The following MTMR6 variants were observed in gnomAD, a reference collection of about 807,000 sequenced individuals.
MTMR6 encodes phosphatidylinositol-3,5-bisphosphate 3-phosphatase MTMR6.
In MTMR6, 47 loss-of-function variants were observed where a neutral mutation model predicts 80.1. The ratio of observed to expected loss-of-function variants is 0.59; its 90% CI spans 0.46 to 0.75. The LOEUF is 0.75. MTMR6 is among the 30% of genes least tolerant of loss of function. The pLI is 0.00. For missense variants in MTMR6, 629 were observed against 730.9 expected, an observed-to-expected ratio of 0.86 and a Z score of 1.61; for synonymous variants, 254 against 253.0, an observed-to-expected ratio of 1.00 and a Z score of -0.04.
chr13:25,287,179 G>C lies in MTMR6; in HGVS notation c.24+45C>G, dbSNP rs201715117. 243 of 1,578,002 alleles carry C rather than the reference G, an allele frequency of 1.5e-4. No homozygotes were observed. The African/African-American group carries it at 2.2e-3, about 14-fold the overall frequency. ...CTTCGTCTCCTCCTGCCTCAGCCGG[G>C]TCAGAGCAGGGCCCCTGAAGACTGG... On this transcript the variant is annotated intron_variant, in intron 1 of 13. Transcript: ENST00000381801.
rs1957244303 is a variant in MTMR6 at position 25,257,676 on chromosome 13, C to T, written c.969+60G>A. ...ATAGATACCAGCCCCCAACAGAATACATCTACTCCTTCCCAATCATTATAG... is the reference window on the plus strand; with the variant it reads ...ATAGATACCAGCCCCCAACAGAATATATCTACTCCTTCCCAATCATTATAG... On this transcript the variant is annotated intron_variant, in intron 8 of 13. Transcript: ENST00000381801. The T allele has an allele frequency of 4.0e-6, 5 of 1,241,278 alleles. No homozygotes were observed. The South Asian group carries it at 5.1e-5, about 13-fold the overall frequency. The allele number at this position is 1,241,278 out of a possible 1,614,324, so 76.9% of individuals were successfully genotyped here.
intron 1 of MTMR6, among the ~76,000 whole-genome samples, chr13:25,274,614 A>C (rs1021978082): frequency 6.6e-6 from 1 of 152,118 alleles, no homozygotes; most frequent in Non-Finnish European, 1.5e-5. Flanking sequence ...GCCAACTCCA[A>C]CTTAGTCTCT....
At chr13:25,275,181 C>A (rs1957691829) in intron 1 of MTMR6, among the ~76,000 whole-genome samples, 1 of 152,090 alleles carries the variant, frequency 6.6e-6, no homozygotes, top group South Asian at 2.1e-4. Flanking sequence ...AATCCCAGCA[C>A]TTTGGGAGGC....
In MTMR6 at chr13:25,257,134, T is replaced by C; in HGVS notation, c.1095+62A>G. On this transcript the variant is annotated intron_variant, in intron 9 of 13. Transcript: ENST00000381801. ...CTGTCTCCAACATTGCCAAATGTCC[T>C]CTGGAGGAACATAAAATTACTCCTA... 4 of 1,505,420 alleles carry C rather than the reference T, an allele frequency of 2.7e-6. 1 individual carries two copies. 93.3% of individuals were successfully genotyped at this position (1,505,420 alleles called of 1,614,324 possible). A position where few individuals can be genotyped will look rare whatever the true frequency, so the allele number is the denominator to read the frequency against.
Position 25,248,742 on chromosome 13 carries a change from T to TTAAG in MTMR6, c.*486_*489dup, listed in dbSNP as rs1957027739. 1 of 153,002 alleles carries TTAAG rather than the reference T, an allele frequency of 6.5e-6. No homozygotes were observed. The highest frequency in any genetic ancestry group is 6.5e-5 in the Admixed American group (1 of 15,324). 9.5% of individuals were successfully genotyped at this position (153,002 alleles called of 1,614,324 possible). A position where few individuals can be genotyped will look rare whatever the true frequency, so the allele number is the denominator to read the frequency against. On this transcript the variant is annotated 3_prime_UTR_variant, in exon 14 of 14. Transcript: ENST00000381801. The stretch of plus-strand genomic sequence containing the variant: ...TAAGGGTAAAGAATCCACTGGGAAT[T>TTAAG]TAAGGCTTTCTTAGAAATATTTTTC...
intron 5 of MTMR6, among the ~76,000 whole-genome samples, chr13:25,265,195 G>A (rs1011198827): frequency 2.0e-5 from 3 of 152,050 alleles, no homozygotes; most frequent in African/African-American, 4.8e-5. Context: ...TTGTCTCAGC[G>A]GTTGTCTTAT....
Position 25,287,382 on chromosome 13 carries a change from G to T in MTMR6, c.-135C>A. On this transcript the variant is annotated 5_prime_UTR_variant, in exon 1 of 14. Transcript: ENST00000381801. ...GCCGCGGGTCTGTCTGCCGGCCCCG[G>T]TGGCGTCAACGGCGCAGGTGCAGCC... The T allele has an allele frequency of 2.4e-6, 3 of 1,239,654 alleles. No individual in the cohort carries two copies. Among genetic ancestry groups the T allele is most frequent in the Non-Finnish European group, 3.4e-6 (3 of 879,602 alleles). 76.8% of individuals were successfully genotyped at this position (1,239,654 alleles called of 1,614,324 possible). A position where few individuals can be genotyped will look rare whatever the true frequency, so the allele number is the denominator to read the frequency against.
At chr13:25,257,660 A>G (rs541351055) in intron 8 of MTMR6, 76 bp downstream of exon 8, 3 of 1,022,710 alleles carry the variant, frequency 2.9e-6, no homozygotes, top group South Asian at 1.4e-5. Flanking sequence ...AATAGATACC[A>G]GCCCCCAACA....
chr13:25,284,127 T>C (rs142326496), intron 1 of MTMR6, among the ~76,000 whole-genome samples: 2 of 152,306 alleles, frequency 1.3e-5, no homozygotes, highest in African/African-American at 4.8e-5. Flanking sequence ...ATATTATTTA[T>C]TTATGACAAA....
At chr13:25,252,874 T>C (rs944297485) in intron 11 of MTMR6, among the ~76,000 whole-genome samples, 22 of 152,204 alleles carry the variant, frequency 1.4e-4, no homozygotes, top group Non-Finnish European at 2.8e-4. Flanking sequence ...ATTTTTAGAA[T>C]TTTCCACATG....
chr13:25,278,090 G>C (rs2137619036), intron 1 of MTMR6, among the ~76,000 whole-genome samples: 1 of 152,258 alleles, frequency 6.6e-6, no homozygotes, highest in South Asian at 2.1e-4. Context: ...TGGAGACTAA[G>C]AATCCGTATT....
rs747059472 is a variant in MTMR6, at chr13:25,287,265, C to T, written c.-18G>A. The T allele has an allele frequency of 6.3e-7, 1 of 1,589,230 alleles. No individual in the cohort carries two copies. Among genetic ancestry groups the T allele is most frequent in the South Asian group, 1.1e-5 (1 of 87,984 alleles). On this transcript the variant is annotated 5_prime_UTR_variant, in exon 1 of 14. Coordinates refer to ENST00000381801, the MANE Select transcript of MTMR6 (RefSeq NM_004685.5). ...TGCTCCATCGCAAGGAGACGTCAGC[C>T]GGCAGCCGGTCTCACAGGCGTACCA...
chr13:25,271,435 C>G (rs1454329474), intron 2 of MTMR6, among the ~76,000 whole-genome samples: 1 of 152,220 alleles, frequency 6.6e-6, no homozygotes, highest in South Asian at 2.1e-4. Flanking sequence ...AGCTACCTGA[C>G]AACACAGTCT....
intron 1 of MTMR6, among the ~76,000 whole-genome samples, chr13:25,276,041 A>T (rs1436541395): frequency 2.7e-5 from 4 of 150,076 alleles, no homozygotes; most frequent in Non-Finnish European, 4.4e-5. Flanking sequence ...TTTACAACAC[A>T]CTGCAAATCC....
chr13:25,282,559 G>A (rs1056287381), intron 1 of MTMR6, among the ~76,000 whole-genome samples: 3 of 151,556 alleles, frequency 2.0e-5, no homozygotes, highest in Admixed American at 1.3e-4. Flanking sequence ...AAATGCATCC[G>A]GCTTCTCCTC....
Position 25,257,232 on chromosome 13 carries a change from T to C in MTMR6, c.1059A>G (p.Leu353=). The C allele has an allele frequency of 6.2e-7, 1 of 1,613,844 alleles. No homozygotes were observed. Among genetic ancestry groups the C allele is most frequent in the Non-Finnish European group, 8.5e-7 (1 of 1,179,872 alleles). Residue 353 remains leucine (L), a synonymous_variant, in exon 9 of 14, where the codon TTA becomes TTG. Coordinates refer to ENST00000381801, the MANE Select transcript of MTMR6 (RefSeq NM_004685.5). ...TGATTGTCCTGTAGTAGGAATCCAA[T>C]AAAAGAGAACCCAGGGAACAAACCT... The part of the protein sequence containing the change: ...TSQVCSLGSL[L]LDSYYRTIKG...
At chr13:25,271,308 T>C (rs1957570874) in intron 2 of MTMR6, among the ~76,000 whole-genome samples, 1 of 152,090 alleles carries the variant, frequency 6.6e-6, no homozygotes, top group Non-Finnish European at 1.5e-5. Flanking sequence ...CCTACCCACC[T>C]CTCCTGCTTT....
chr13:25,280,311 T>C (rs539267045), intron 1 of MTMR6, among the ~76,000 whole-genome samples: 6 of 152,280 alleles, frequency 3.9e-5, no homozygotes, highest in African/African-American at 1.4e-4. Context: ...CAATGGGTAA[T>C]CTCCATATGA....
intron 13 of MTMR6, 74 bp from the exon 14 acceptor site, chr13:25,249,566 G>A (rs749248737): frequency 3.0e-4 from 431 of 1,446,738 alleles, no homozygotes; most frequent in Non-Finnish European, 3.8e-4. Flanking sequence ...AAGAAAACAT[G>A]CTTTTGCAAA....
Sources: allele counts gnomAD v4.1 joint callset (sites outside exome capture counted in the v4.1 genomes callset), GRCh38; gene constraint gnomAD v4.1.1; transcripts MANE v1.5; gene names NCBI Gene and HGNC (gene_info 2026-07-23, HGNC 2026-07-21).